USH2A: variants seen among roughly 807,000 people sequenced by gnomAD.
The protein encoded by USH2A is Usher syndrome 2A (autosomal recessive, mild).
USH2A carries 443 observed loss-of-function variants against 538.9 expected under a neutral mutation model. That is an observed-to-expected ratio of 0.82 (90% confidence interval 0.76 to 0.89). The LOEUF is 0.89. Among genes scored for constraint, USH2A ranks in the 40% least tolerant of loss-of-function variants. The pLI is 0.00. For missense variants in USH2A, 6,633 were observed against 6,324.8 expected (o/e 1.05, Z -1.65); for synonymous variants, 2,413 against 2,273.5 (o/e 1.06, Z -1.75).
chr1:215,868,135 C>T (rs1571763552), intron 43 of USH2A, among the ~76,000 whole-genome samples: 1 of 152,136 alleles, frequency 6.6e-6, no homozygotes, highest in South Asian at 2.1e-4. Context: ...ATCAAGGATA[C>T]CTCATCTCCA....
chr1:215,647,343 T>C (rs1656885087), intron 67 of USH2A, among the ~76,000 whole-genome samples, 179 bp downstream of exon 67: 1 of 152,212 alleles, frequency 6.6e-6, no homozygotes, highest in African/African-American at 2.4e-5. Context: ...GACTTCCATA[T>C]TATTAAATCC....
chr1:215,960,509 A>C (rs1414776781), intron 37 of USH2A, among the ~76,000 whole-genome samples: 2 of 152,124 alleles, frequency 1.3e-5, no homozygotes, highest in Non-Finnish European at 2.9e-5. Flanking sequence ...TGCAAGGTGA[A>C]TGGTGCACCC....
intron 43 of USH2A, among the ~76,000 whole-genome samples, chr1:215,867,529 C>T (rs1367246447): frequency 6.6e-6 from 1 of 152,208 alleles, no homozygotes; most frequent in Non-Finnish European, 1.5e-5. Context: ...AGGCAACCTG[C>T]CAGCTTTCTA....
At chr1:216,210,493 C>A (rs624102) in intron 15 of USH2A, among the ~76,000 whole-genome samples, 147,815 of 152,226 alleles carry the variant, frequency 0.97, 71,805 homozygotes, top group East Asian at 1. Context: ...AGGGCTGAAG[C>A]AGCTCAGGCA....
chr1:216,120,795 G>C (rs1224998785), intron 21 of USH2A, among the ~76,000 whole-genome samples: 1 of 151,998 alleles, frequency 6.6e-6, no homozygotes. Flanking sequence ...AGATTGCAGT[G>C]AGCCGAGATG....
intron 32 of USH2A, among the ~76,000 whole-genome samples, chr1:216,013,765 G>A (rs910755723): frequency 3.3e-5 from 5 of 150,744 alleles, no homozygotes; most frequent in South Asian, 2.1e-4. Flanking sequence ...ATCTCCCTTC[G>A]CTGACTCTCT....
chr1:216,401,401 GA>G (rs2039301217), intron 3 of USH2A, among the ~76,000 whole-genome samples: 1 of 151,818 alleles, frequency 6.6e-6, no homozygotes, highest in Non-Finnish European at 1.5e-5. Flanking sequence ...ACAAGAAATA[GA>G]AAAAATAAAA....
intron 25 of USH2A, among the ~76,000 whole-genome samples, chr1:216,084,213 G>A (rs556485140): frequency 1.3e-5 from 2 of 151,760 alleles, no homozygotes; most frequent in East Asian, 3.9e-4. Flanking sequence ...TTTGAGCAAT[G>A]GCAGGGATGG....
rs78988465 is a variant in USH2A, at chr1:216,303,139, A to G, written c.1645-10769T>C. Among the ~76,000 whole-genome samples, 991 of 152,114 alleles carry G rather than the reference A, an allele frequency of 6.5e-3. 18 individuals are homozygous for G. The highest frequency in any genetic ancestry group is 0.032 in the Admixed American group (496 of 15,278). ...TCAGGGCACTAAATAAAAAAGACAC[A>G]TGGGGACACACCACGTTCCCTTAAG... On this transcript the variant is annotated intron_variant, in intron 9 of 71. Transcript: ENST00000307340.
At chr1:215,954,289 C>T (rs1425083898) in intron 37 of USH2A, among the ~76,000 whole-genome samples, 2 of 151,926 alleles carry the variant, frequency 1.3e-5, no homozygotes, top group African/African-American at 2.4e-5. Context: ...GCACTATTCA[C>T]AATAGCAAAG....
chr1:215,918,211 A>T (rs1168321414), intron 38 of USH2A, among the ~76,000 whole-genome samples: 1 of 152,140 alleles, frequency 6.6e-6, no homozygotes, highest in Admixed American at 6.6e-5. Context: ...TAATTAAATT[A>T]CTCAAATACT....
intron 26 of USH2A, 85 bp from the exon 27 acceptor site, chr1:216,078,447 G>A: frequency 2.3e-6 from 3 of 1,330,332 alleles, no homozygotes; most frequent in South Asian, 2.5e-5. Context: ...TCAATTTCTT[G>A]AAGAAAAGCA....
intron 44 of USH2A, among the ~76,000 whole-genome samples, chr1:215,852,020 G>A (rs1044072611): frequency 4.6e-5 from 7 of 152,034 alleles, no homozygotes; most frequent in Non-Finnish European, 1.0e-4. Flanking sequence ...AGCAAAATAG[G>A]CATAGAAAGG....
At chr1:216,234,998 A>C (rs1239685341) in intron 13 of USH2A, among the ~76,000 whole-genome samples, 1 of 152,172 alleles carries the variant, frequency 6.6e-6, no homozygotes, top group Non-Finnish European at 1.5e-5. Context: ...GCCTGATTAT[A>C]AAGGTTAATC....
chr1:216,153,345 G>A (rs541175241), intron 21 of USH2A, among the ~76,000 whole-genome samples: 11 of 152,254 alleles, frequency 7.2e-5, no homozygotes, highest in Non-Finnish European at 1.3e-4. Context: ...GAGCCCAAAA[G>A]TTCTTGCCCT....
intron 64 of USH2A, among the ~76,000 whole-genome samples, chr1:215,658,269 A>G (rs1289113200): frequency 3.3e-5 from 5 of 149,284 alleles, no homozygotes; most frequent in African/African-American, 7.4e-5. Context: ...TTTTTTTCTT[A>G]TATCTGCTCT....
At chr1:216,265,100 C>T (rs913625823) in intron 11 of USH2A, among the ~76,000 whole-genome samples, 1 of 152,006 alleles carries the variant, frequency 6.6e-6, no homozygotes, top group Non-Finnish European at 1.5e-5. Flanking sequence ...AAAATACTTG[C>T]AAGGTATTCA....
intron 49 of USH2A, among the ~76,000 whole-genome samples, chr1:215,813,464 A>G (rs1303756697): frequency 6.6e-6 from 1 of 152,236 alleles, no homozygotes; most frequent in Non-Finnish European, 1.5e-5. Flanking sequence ...AAAAGCCACA[A>G]GATAAAAGGA....
rs559922535 is a variant in USH2A at position 215,845,886 on chromosome 1, G to C, written c.8993C>G (p.Ser2998Cys). 3.1e-6 allele frequency: 5 copies of C among 1,613,930 alleles called. No homozygotes were observed. The South Asian group carries it at 5.5e-5, about 18-fold the overall frequency. The change falls in exon 45 of 72, where the codon TCT becomes TGT. Residue 2998 changes from serine to cysteine, a missense_variant. Physicochemically the swap from Ser to Cys is moderately radical, Grantham distance 112. Coordinates refer to ENST00000307340, the MANE Select transcript of USH2A (RefSeq NM_206933.4). ...GATGCTGTGGACTCCATTGAAGACA[G>C]AGATAAAGATCCAATACTCTGTGTT... ...KPNTEYWIFISVFNGVHSINS... is the reference protein window; with the variant it reads ...KPNTEYWIFICVFNGVHSINS...
Sources: gnomAD v4.1 joint callset for allele counts (sites outside exome capture counted in the v4.1 genomes callset) on GRCh38, gnomAD v4.1.1 for gene constraint, MANE v1.5 for transcripts, NCBI Gene and HGNC (gene_info 2026-07-23, HGNC 2026-07-21) for gene names.